Variants in COL25A1 observed in about 807,000 individuals in gnomAD.
The protein encoded by COL25A1 is collagen alpha-1(XXV) chain.
COL25A1 carries 103 observed loss-of-function variants against 128.4 expected under a neutral mutation model. That is an observed-to-expected ratio of 0.80 (90% CI 0.68 to 0.94). The LOEUF is 0.94. Among genes scored for constraint, COL25A1 ranks in the 40% least tolerant of loss-of-function variants. COL25A1 has a pLI of 0.00. For synonymous variants in COL25A1, 279 were observed against 277.2 expected, an observed-to-expected ratio of 1.01 and a Z score of -0.06; for missense variants, 745 against 840.0, an observed-to-expected ratio of 0.89 and a Z score of 1.40.
chr4:108,874,586 G>C (rs1254096497), intron 19 of COL25A1, among the ~76,000 whole-genome samples: 1 of 152,146 alleles, frequency 6.6e-6, no homozygotes, highest in Non-Finnish European at 1.5e-5. Context: ...TTTGAAAAGG[G>C]CATGTCCTGC....
At chr4:109,107,969 T>G (rs1344824355) in intron 3 of COL25A1, among the ~76,000 whole-genome samples, 1 of 152,228 alleles carries the variant, frequency 6.6e-6, no homozygotes, top group Non-Finnish European at 1.5e-5. Context: ...CATTTTCTTT[T>G]CATCTAAAAG....
chr4:109,057,900 G>A (rs1234926215), intron 3 of COL25A1, among the ~76,000 whole-genome samples: 1 of 152,118 alleles, frequency 6.6e-6, no homozygotes, highest in Non-Finnish European at 1.5e-5. Flanking sequence ...TCACATTCAT[G>A]AGATAACTGG....
At chr4:109,085,428 C>T (rs1764263731) in intron 3 of COL25A1, among the ~76,000 whole-genome samples, 1 of 152,144 alleles carries the variant, frequency 6.6e-6, no homozygotes, top group Non-Finnish European at 1.5e-5. Flanking sequence ...TGCACTCATT[C>T]TTCCTTCTGA....
At chr4:109,027,956 T>C (rs970713853) in intron 5 of COL25A1, among the ~76,000 whole-genome samples, 1 of 152,114 alleles carries the variant, frequency 6.6e-6, no homozygotes, top group African/African-American at 2.4e-5. Context: ...GATATGCAAG[T>C]CCAAAATTCT....
intron 3 of COL25A1, among the ~76,000 whole-genome samples, chr4:109,147,554 C>T (rs200927046): frequency 2.0e-5 from 3 of 152,096 alleles, no homozygotes; most frequent in African/African-American, 7.2e-5. Flanking sequence ...TGGTGGTTCA[C>T]GTCTGTAATC....
chr4:109,264,336 G>A (rs1051418127), intron 3 of COL25A1, among the ~76,000 whole-genome samples: 33 of 152,162 alleles, frequency 2.2e-4, no homozygotes, highest in African/African-American at 4.6e-4. Context: ...GGGATTGCAC[G>A]GATTTCACTT....
At chr4:108,980,093 A>G (rs947555099) in intron 6 of COL25A1, among the ~76,000 whole-genome samples, 1 of 152,206 alleles carries the variant, frequency 6.6e-6, no homozygotes, top group Non-Finnish European at 1.5e-5. Flanking sequence ...AAGAGATTTT[A>G]AAAGGCTGGT....
chr4:109,231,735 C>T (rs1387480492), intron 3 of COL25A1, among the ~76,000 whole-genome samples: 1 of 152,172 alleles, frequency 6.6e-6, no homozygotes, highest in Non-Finnish European at 1.5e-5. Flanking sequence ...TGAGAGGCAA[C>T]ATGGAAGAAT....
chr4:109,151,448 T>C (rs1353643669), intron 3 of COL25A1, among the ~76,000 whole-genome samples: 3 of 152,108 alleles, frequency 2.0e-5, no homozygotes, highest in Non-Finnish European at 4.4e-5. Flanking sequence ...TCAGCATTAG[T>C]GTTTTATTAA....
intron 3 of COL25A1, among the ~76,000 whole-genome samples, chr4:109,259,894 C>T (rs143962320): frequency 2.4e-4 from 37 of 152,300 alleles, no homozygotes; most frequent in Admixed American, 7.8e-4. Context: ...ACATAAGCAA[C>T]GTAGCCAGAG....
intron 3 of COL25A1, among the ~76,000 whole-genome samples, chr4:109,241,219 T>C (rs1258916384): frequency 6.6e-6 from 1 of 152,068 alleles, no homozygotes; most frequent in Non-Finnish European, 1.5e-5. Context: ...ACAGAATCTC[T>C]AAGGTGTCTT....
chr4:108,809,447 A>G lies in COL25A1; in HGVS notation c.*4480T>C, dbSNP rs1730627253. 1 of 152,098 alleles carries G rather than the reference A, an allele frequency of 6.6e-6. No homozygotes were observed. Among genetic ancestry groups the G allele is most frequent in the Non-Finnish European group, 1.5e-5 (1 of 67,946 alleles). The allele number at this position is 152,098 out of a possible 1,614,324, so 9.4% of individuals were successfully genotyped here. A position where few individuals can be genotyped will look rare whatever the true frequency, so the allele number is the denominator to read the frequency against. ...AATCCAATTCGTTAATATTTCTGAG[A>G]TAGGTAAGAATATCAACTACATTTT... On this transcript the variant is annotated 3_prime_UTR_variant, in exon 38 of 38. Transcript: ENST00000399132.
At chr4:109,082,891 T>A (rs1326069476) in intron 3 of COL25A1, among the ~76,000 whole-genome samples, 1 of 152,194 alleles carries the variant, frequency 6.6e-6, no homozygotes, top group East Asian at 1.9e-4. Context: ...TACCCAATAG[T>A]TAATAGAAAC....
chr4:109,260,395 C>T (rs1781362452), intron 3 of COL25A1, among the ~76,000 whole-genome samples: 1 of 152,138 alleles, frequency 6.6e-6, no homozygotes, highest in South Asian at 2.1e-4. Flanking sequence ...CATCTCTACT[C>T]ATACAAATAA....
intron 24 of COL25A1, among the ~76,000 whole-genome samples, chr4:108,855,995 C>T (rs2125781672): frequency 6.6e-6 from 1 of 152,288 alleles, no homozygotes; most frequent in South Asian, 2.1e-4. Context: ...TGGAGAAAGA[C>T]ATGGCATTCT....
intron 3 of COL25A1, among the ~76,000 whole-genome samples, chr4:109,298,237 A>G (rs1725179773): frequency 1.3e-5 from 2 of 152,092 alleles, no homozygotes. Flanking sequence ...TCTCTCTCTC[A>G]CAGAGGTTCC....
intron 3 of COL25A1, among the ~76,000 whole-genome samples, chr4:109,152,406 T>TA (rs1325868673): frequency 6.6e-6 from 1 of 152,204 alleles, no homozygotes; most frequent in Non-Finnish European, 1.5e-5. Context: ...CCCTACACTG[T>TA]AAAGTATATA....
At chr4:109,278,043 A>G (rs971934641) in intron 3 of COL25A1, among the ~76,000 whole-genome samples, 3 of 151,988 alleles carry the variant, frequency 2.0e-5, no homozygotes, top group African/African-American at 7.2e-5. Context: ...GCTGAGGCAG[A>G]AGAATCGCTT....
chr4:109,143,854 G>C (rs765214783), intron 3 of COL25A1, among the ~76,000 whole-genome samples: 1 of 152,136 alleles, frequency 6.6e-6, no homozygotes, highest in Admixed American at 6.5e-5. Flanking sequence ...CCTTTAGCTC[G>C]GAGGAGTTTA....
Sources: gnomAD v4.1 joint callset for allele counts (sites outside exome capture counted in the v4.1 genomes callset) on GRCh38, gnomAD v4.1.1 for gene constraint, MANE v1.5 for transcripts, NCBI Gene and HGNC (gene_info 2026-07-23, HGNC 2026-07-21) for gene names.